Variants in SIK3 observed in about 807,000 individuals in gnomAD.
SIK3 encodes SIK family kinase 3.
A neutral mutation model predicts 144.2 loss-of-function variants in SIK3; 28 were observed. The observed-to-expected ratio is 0.19, with a 90% confidence interval of 0.14 to 0.27. The LOEUF is 0.27. SIK3 is among the 10% of genes least tolerant of loss of function. The pLI, the probability that SIK3 is intolerant of heterozygous loss-of-function variation, is 1.00. For synonymous variants in SIK3, 686 were observed against 676.3 expected (o/e 1.01, Z -0.22); for missense variants, 1,319 against 1,776.0 (o/e 0.74, Z 4.62).
intron 1 of SIK3, among the ~76,000 whole-genome samples, chr11:117,032,234 T>C (rs1952293427): frequency 6.6e-6 from 1 of 152,212 alleles, no homozygotes. Flanking sequence ...AAAATTGCAT[T>C]AAACTTGTAG....
chr11:117,032,564 T>C (rs1322711345), intron 1 of SIK3, among the ~76,000 whole-genome samples: 1 of 152,104 alleles, frequency 6.6e-6, no homozygotes, highest in Non-Finnish European at 1.5e-5. Flanking sequence ...TAGAGTCCAG[T>C]GGCATGATCA....
At chr11:116,981,596 A>G (rs965223444) in intron 1 of SIK3, among the ~76,000 whole-genome samples, 3 of 152,244 alleles carry the variant, frequency 2.0e-5, no homozygotes, top group South Asian at 2.1e-4. Context: ...TACTGTTTCC[A>G]TATCTGGAAA....
chr11:117,044,545 C>T (rs1394219533), intron 1 of SIK3, among the ~76,000 whole-genome samples: 1 of 152,048 alleles, frequency 6.6e-6, no homozygotes, highest in African/African-American at 2.4e-5. Flanking sequence ...GTATTTCCCT[C>T]CTCGGCTTTA....
intron 1 of SIK3, among the ~76,000 whole-genome samples, chr11:117,004,273 G>T (rs1239340803): frequency 6.6e-6 from 1 of 152,164 alleles, no homozygotes; most frequent in East Asian, 1.9e-4. Context: ...CCAGCATGTT[G>T]CGAGGCCGAG....
intron 2 of SIK3, among the ~76,000 whole-genome samples, chr11:116,955,106 A>G (rs1034765533): frequency 6.6e-6 from 1 of 151,742 alleles, no homozygotes; most frequent in African/African-American, 2.4e-5. Context: ...ACAATTAAAA[A>G]TTCAGTTCCG....
At chr11:117,000,782 T>C (rs762748519) in intron 1 of SIK3, among the ~76,000 whole-genome samples, 10 of 152,244 alleles carry the variant, frequency 6.6e-5, no homozygotes, top group Non-Finnish European at 1.3e-4. Flanking sequence ...ATGTGCTTCC[T>C]GATGCCAGCA....
At chr11:116,917,961 G>A (rs1418884093) in intron 4 of SIK3, among the ~76,000 whole-genome samples, 1 of 152,066 alleles carries the variant, frequency 6.6e-6, no homozygotes, top group East Asian at 1.9e-4. Context: ...ATTTTCTGCA[G>A]CTTCAATAAA....
chr11:116,985,789 T>A (rs774112839), intron 1 of SIK3, among the ~76,000 whole-genome samples: 1 of 152,220 alleles, frequency 6.6e-6, no homozygotes, highest in Non-Finnish European at 1.5e-5. Flanking sequence ...AGTCTTCTAG[T>A]ACAGATTAGA....
At chr11:116,930,032 C>A (rs1195709977) in intron 3 of SIK3, among the ~76,000 whole-genome samples, 2 of 151,850 alleles carry the variant, frequency 1.3e-5, no homozygotes, top group Middle Eastern at 3.2e-3. Context: ...AGAAGATAAA[C>A]AAATCACTTT....
chr11:116,859,392 C>A lies in SIK3; in HGVS notation c.2638G>T (p.Gly880Cys). Residue 880 changes from glycine (G) to cysteine (C), a missense_variant, in exon 20 of 25, where the codon GGC (glycine) becomes TGC (cysteine). Physicochemically the swap from Gly to Cys is radical, Grantham distance 159 (BLOSUM62 -3). This residue lies in a region of SIK3 where 646 missense variants were observed against 763.7 expected (regional missense o/e 0.85). Coordinates refer to ENST00000445177, the MANE Select transcript of SIK3 (RefSeq NM_001366686.3). ...CCAGCACTGGGGCTGATGGAGATGC[C>A]GCGCCCACTGGAGCCTGCAGCTGTG... is the stretch of plus-strand genomic sequence containing the variant. ...PGTAAGSSGR[G>C]ISISPSAGQM... 6.2e-7 allele frequency: 1 copy of A among 1,614,118 alleles called. No individual in the cohort carries two copies. Among genetic ancestry groups the A allele is most frequent in the Non-Finnish European group, 8.5e-7 (1 of 1,180,034 alleles).
chr11:116,898,519 T>G (rs1171387745), intron 4 of SIK3, among the ~76,000 whole-genome samples: 3 of 152,092 alleles, frequency 2.0e-5, no homozygotes, highest in Non-Finnish European at 4.4e-5. Context: ...CAAATGGTAT[T>G]TCTAGTTCTA....
chr11:116,964,377 T>G (rs975681503), intron 1 of SIK3, among the ~76,000 whole-genome samples: 3 of 152,104 alleles, frequency 2.0e-5, no homozygotes, highest in African/African-American at 7.2e-5. Context: ...AAAACAGGGA[T>G]GTATATTTGG....
chr11:116,893,325 A>G (rs1300863653), intron 6 of SIK3, among the ~76,000 whole-genome samples: 1 of 152,132 alleles, frequency 6.6e-6, no homozygotes, highest in Non-Finnish European at 1.5e-5. Context: ...CAGAGGGTAC[A>G]TGCAAACTGT....
At chr11:116,847,159 C>T (rs564241294) in intron 23 of SIK3, among the ~76,000 whole-genome samples, 15 of 152,278 alleles carry the variant, frequency 9.9e-5, no homozygotes, top group African/African-American at 3.6e-4. Context: ...TGACTGGCTC[C>T]AAGAAGAGGT....
chr11:116,977,362 T>A lies in SIK3; in HGVS notation c.274-20298A>T, dbSNP rs931514846. 3.3e-5 allele frequency among the ~76,000 whole-genome samples: 5 copies of A among 152,104 alleles called. No individual in the cohort carries two copies. In the South Asian group the frequency reaches 1.0e-3, roughly 32 times the overall value. ...CCACAAAGTGCTGGGATTACAACCA[T>A]GAGCCATCATGCCCAGCCAGAAATT... On this transcript the variant is annotated intron_variant, in intron 1 of 24. Transcript: ENST00000445177.
intron 4 of SIK3, among the ~76,000 whole-genome samples, chr11:116,921,643 A>G (rs1946982819): frequency 6.6e-6 from 1 of 152,190 alleles, no homozygotes; most frequent in South Asian, 2.1e-4. Flanking sequence ...TGCTGAGATT[A>G]CGGGCATGAG....
At chr11:116,929,479 A>G (rs1294691873) in intron 3 of SIK3, among the ~76,000 whole-genome samples, 1 of 152,148 alleles carries the variant, frequency 6.6e-6, no homozygotes, top group Non-Finnish European at 1.5e-5. Context: ...GATTTCTTTT[A>G]TTAAGAAAGT....
chr11:116,944,364 G>C (rs752988923), intron 3 of SIK3, among the ~76,000 whole-genome samples: 3 of 152,190 alleles, frequency 2.0e-5, no homozygotes, highest in Non-Finnish European at 4.4e-5. Context: ...TCTCAGGGTA[G>C]AGGCTGGATA....
chr11:116,898,912 T>G (rs181443242), intron 4 of SIK3, among the ~76,000 whole-genome samples: 10,019 of 143,840 alleles, frequency 0.07, 401 homozygotes, highest in Middle Eastern at 0.1. Flanking sequence ...TTTCTCCCAT[T>G]TTGTAGGTTG....
Sources: allele counts gnomAD v4.1 joint callset (sites outside exome capture counted in the v4.1 genomes callset), GRCh38; gene constraint gnomAD v4.1.1; regional missense constraint gnomAD v4.1.1; transcripts MANE v1.5; gene names NCBI Gene and HGNC (gene_info 2026-07-23, HGNC 2026-07-21).